The following ZNF708 variants were observed in gnomAD, a reference collection of about 807,000 sequenced individuals.
ZNF708 encodes the protein ZNF15, ZNF15L1.
A neutral mutation model predicts 47.0 loss-of-function variants in ZNF708; 44 were observed. The observed-to-expected ratio is 0.94, with a 90% CI of 0.74 to 1.20. The LOEUF is 1.20. Among genes scored for constraint, ZNF708 ranks in the 50% most tolerant of loss-of-function variants. ZNF708 has a pLI of 0.00. For missense variants in ZNF708, 557 were observed against 656.0 expected (o/e 0.85, Z 1.65); for synonymous variants, 184 against 218.5 (o/e 0.84, Z 1.39).
In ZNF708 at chr19:21,322,259, G is replaced by A. The variant is rs574738675; in HGVS notation, c.3+6951C>T. 1.2e-4 allele frequency among the ~76,000 whole-genome samples: 19 copies of A among 152,140 alleles called. No individual in the cohort carries two copies. The South Asian group carries it at 3.9e-3, about 32-fold the overall frequency. ...TCCTGTGGTGGCAGCTGTGGGAAAAGGGGGTCTGTCATCAGAGCTCATATT... is the reference window on the plus strand; with the variant it reads ...TCCTGTGGTGGCAGCTGTGGGAAAAAGGGGTCTGTCATCAGAGCTCATATT... On this transcript the variant is annotated intron_variant, in intron 1 of 3. Coordinates refer to ENST00000356929, the MANE Select transcript of ZNF708 (RefSeq NM_021269.3).
intron 3 of ZNF708, among the ~76,000 whole-genome samples, chr19:21,303,660 C>T (rs1484748701): frequency 6.6e-6 from 1 of 151,842 alleles, no homozygotes; most frequent in Non-Finnish European, 1.5e-5. Flanking sequence ...ATGCTGCCTA[C>T]AAGAGACTGG....
At chr19:21,317,880 G>T (rs1206683615) in intron 1 of ZNF708, among the ~76,000 whole-genome samples, 1 of 152,174 alleles carries the variant, frequency 6.6e-6, no homozygotes, top group African/African-American at 2.4e-5. Flanking sequence ...TTGACACCAG[G>T]TGCCTGCTGA....
chr19:21,296,172 A>G lies in ZNF708; in HGVS notation c.227-1433T>C, dbSNP rs574623155. The stretch of plus-strand genomic sequence containing the variant: ...GGGTGATATAGTCAAAGTCCTGGGG[A>G]AAAAAAAAAAATCTGTCAAGTGAAA... On this transcript the variant is annotated intron_variant, in intron 3 of 3. Transcript: ENST00000356929. 3.2e-3 allele frequency among the ~76,000 whole-genome samples: 456 copies of G among 144,186 alleles called. 3 individuals are homozygous for G. Among genetic ancestry groups the G allele is most frequent in the African/African-American group, 0.011 (416 of 38,602 alleles). The allele number at this position is 144,186 out of a possible 152,430, so 94.6% of individuals were successfully genotyped here.
chr19:21,293,446 T>C lies in ZNF708; in HGVS notation c.1520A>G (p.Lys507Arg). Residue 507 changes from lysine to arginine, a missense_variant, in exon 4 of 4, where the codon AAA becomes AGA. Lys to Arg is a conservative substitution (Grantham distance 26). Coordinates refer to ENST00000356929, the MANE Select transcript of ZNF708 (RefSeq NM_021269.3). Reference sequence around the variant, plus strand: ...CTGGTTAAAAGCTTTGCCACATTCTTTACATTTGTAGGGTTTCTCTCCAGT... The same window carrying C: ...CTGGTTAAAAGCTTTGCCACATTCTCTACATTTGTAGGGTTTCTCTCCAGT... ...IHTGEKPYKC[K>R]ECGKAFNQSS... 6.2e-7 allele frequency: 1 copy of C among 1,613,662 alleles called. No homozygotes were observed.
chr19:21,297,960 AGTGTGTGT>A (rs66590988), intron 3 of ZNF708, among the ~76,000 whole-genome samples: 5,082 of 149,924 alleles, frequency 0.034, 186 homozygotes, highest in African/African-American at 0.094. Context: ...ACAAATGACT[AGTGTGTGT>A]GTGTGTGTGT....
intron 3 of ZNF708, chr19:21,306,755 C>T (rs1327389146): frequency 6.6e-6 from 1 of 152,006 alleles, no homozygotes; most frequent in Non-Finnish European, 1.5e-5. Context: ...CCAGCTTGAC[C>T]AACATGGTGA....
Position 21,292,972 on chromosome 19 carries a change from ATTTAT to A in ZNF708, c.*297_*301del, listed in dbSNP as rs1450053334. 6.5e-5 allele frequency: 17 copies of A among 262,676 alleles called. No homozygotes were observed. Among genetic ancestry groups the A allele is most frequent in the Non-Finnish European group, 1.0e-4 (14 of 135,982 alleles). 16.3% of individuals were successfully genotyped at this position (262,676 alleles called of 1,614,324 possible). ...ATTTTTAAAGTTCCTCACCAGTATG[ATTTAT>A]TTTATGTTTAGAAAAGTTTGAGGTG... is the stretch of plus-strand genomic sequence containing the variant. On this transcript the variant is annotated 3_prime_UTR_variant, in exon 4 of 4. Transcript: ENST00000356929.
At chr19:21,313,964 T>G (rs2145175326) in intron 1 of ZNF708, among the ~76,000 whole-genome samples, 1 of 149,656 alleles carries the variant, frequency 6.7e-6, no homozygotes, top group Middle Eastern at 3.4e-3. Flanking sequence ...AATAAAAAAT[T>G]AAGAAATTAA....
intron 1 of ZNF708, among the ~76,000 whole-genome samples, chr19:21,311,438 T>C (rs1972896466): frequency 6.6e-6 from 1 of 152,096 alleles, no homozygotes; most frequent in Admixed American, 6.6e-5. Flanking sequence ...GACAAATTTT[T>C]ATGATGTGCT....
chr19:21,324,065 T>C (rs182610639), intron 1 of ZNF708, among the ~76,000 whole-genome samples: 5 of 136,898 alleles, frequency 3.7e-5, no homozygotes, highest in Non-Finnish European at 6.2e-5. Context: ...TGGTGAAACG[T>C]TGTCTCTACT....
intron 1 of ZNF708, among the ~76,000 whole-genome samples, chr19:21,314,103 G>C (rs1972957216): frequency 6.6e-6 from 1 of 152,140 alleles, no homozygotes; most frequent in Admixed American, 6.6e-5. Flanking sequence ...TCAGTTCTGT[G>C]AGGCAAGACT....
At chr19:21,314,750 A>C (rs1972970143) in intron 1 of ZNF708, among the ~76,000 whole-genome samples, 1 of 152,184 alleles carries the variant, frequency 6.6e-6, no homozygotes, top group African/African-American at 2.4e-5. Context: ...CCAATCAAAA[A>C]CATCCCTTGT....
chr19:21,297,270 ATTTTTTTTTTTT>A (rs1157234305), intron 3 of ZNF708, among the ~76,000 whole-genome samples: 24 of 46,676 alleles, frequency 5.1e-4, no homozygotes, highest in African/African-American at 1.4e-3. Context: ...ATATATATAT[ATTTTTTTTTTTT>A]TTTTTTTTTT....
chr19:21,297,489 A>G (rs1972564136), intron 3 of ZNF708, among the ~76,000 whole-genome samples: 1 of 151,070 alleles, frequency 6.6e-6, no homozygotes, highest in African/African-American at 2.4e-5. Flanking sequence ...TACATAAAAG[A>G]AAATAAGAAA....
intron 1 of ZNF708, among the ~76,000 whole-genome samples, chr19:21,323,767 G>T (rs889099222): frequency 4.6e-5 from 7 of 152,088 alleles, no homozygotes; most frequent in African/African-American, 1.4e-4. Context: ...GCTTCTCCCA[G>T]GATAAAGACT....
chr19:21,293,115 T>A lies in ZNF708; in HGVS notation c.*159A>T. The A allele has an allele frequency of 1.0e-6, 1 of 998,010 alleles. No individual in the cohort carries two copies. The highest frequency in any genetic ancestry group is 2.3e-5 in the Admixed American group (1 of 43,074). The allele number at this position is 998,010 out of a possible 1,614,324, so 61.8% of individuals were successfully genotyped here. ...AAATGCTTTGCCACATTCTTTACAT[T>A]TGTAGGGTTTCTCTCTAGTATGAAT... On this transcript the variant is annotated 3_prime_UTR_variant, in exon 4 of 4. Coordinates refer to ENST00000356929, the MANE Select transcript of ZNF708 (RefSeq NM_021269.3).
intron 1 of ZNF708, among the ~76,000 whole-genome samples, chr19:21,322,592 G>A (rs1434379074): frequency 2.6e-5 from 4 of 151,986 alleles, no homozygotes; most frequent in East Asian, 1.9e-4. Flanking sequence ...CGTGAGCCAC[G>A]GCACCCGGCC....
At chr19:21,327,240 T>C (rs1447577290) in intron 1 of ZNF708, among the ~76,000 whole-genome samples, 1 of 151,704 alleles carries the variant, frequency 6.6e-6, no homozygotes, top group Non-Finnish European at 1.5e-5. Context: ...AGAAAACAGA[T>C]GTGTCTAGAC....
chr19:21,299,183 G>T (rs188174950), intron 3 of ZNF708, among the ~76,000 whole-genome samples: 20 of 150,866 alleles, frequency 1.3e-4, no homozygotes, highest in African/African-American at 4.4e-4. Context: ...GTGAAACCCC[G>T]TCTCTACTAA....
Sources: gnomAD v4.1 joint callset for allele counts (sites outside exome capture counted in the v4.1 genomes callset) on GRCh38, gnomAD v4.1.1 for gene constraint, MANE v1.5 for transcripts, NCBI Gene and HGNC (gene_info 2026-07-23, HGNC 2026-07-21) for gene names.